Variants in SDK2 observed in about 807,000 individuals in gnomAD.
The protein encoded by SDK2 is protein sidekick-2.
A neutral mutation model predicts 253.9 loss-of-function variants in SDK2; 105 were observed. That is an observed-to-expected ratio of 0.41 (90% CI 0.35 to 0.49). The LOEUF is 0.49. Among genes scored for constraint, SDK2 ranks in the 20% least tolerant of loss-of-function variants. The pLI is 0.06. For synonymous variants in SDK2, 1,249 were observed against 1,234.9 expected (o/e 1.01, Z -0.24); for missense variants, 2,608 against 3,003.0 (o/e 0.87, Z 3.07).
chr17:73,538,097 G>A (rs971923245), intron 1 of SDK2, among the ~76,000 whole-genome samples: 2 of 152,164 alleles, frequency 1.3e-5, no homozygotes, highest in Non-Finnish European at 2.9e-5. Flanking sequence ...TCCCGGGAAC[G>A]GCGGTGTTCA....
In SDK2 at chr17:73,487,232, C is replaced by A. The variant is rs551066489; in HGVS notation, c.225-15014G>T. Reference sequence around the variant, plus strand: ...TACAAGTGTGAGCCACTGTGCCCAGCCAGTACCTTGACTTTGTACAGGTGC... The same window carrying A: ...TACAAGTGTGAGCCACTGTGCCCAGACAGTACCTTGACTTTGTACAGGTGC... On this transcript the variant is annotated intron_variant, in intron 2 of 44. Transcript: ENST00000392650. 2.6e-5 allele frequency among the ~76,000 whole-genome samples: 4 copies of A among 152,182 alleles called. No homozygotes were observed. The East Asian group carries it at 5.8e-4, about 22-fold the overall frequency.
chr17:73,595,096 T>C (rs1483119181), intron 1 of SDK2, among the ~76,000 whole-genome samples: 1 of 152,188 alleles, frequency 6.6e-6, no homozygotes, highest in Non-Finnish European at 1.5e-5. Flanking sequence ...CCACAGCTCC[T>C]AGCACGGTGC....
chr17:73,480,708 T>G (rs1266731373), intron 2 of SDK2, among the ~76,000 whole-genome samples: 1 of 151,174 alleles, frequency 6.6e-6, no homozygotes, highest in African/African-American at 2.4e-5. Context: ...GAGGCTGAGA[T>G]GGAGAGAGAC....
At chr17:73,462,654 A>G (rs1414392998) in intron 3 of SDK2, among the ~76,000 whole-genome samples, 4 of 152,042 alleles carry the variant, frequency 2.6e-5, no homozygotes, top group Admixed American at 2.6e-4. Context: ...GCAAGCATAC[A>G]CGCATGTATA....
At chr17:73,564,836 A>C (rs925360438) in intron 1 of SDK2, among the ~76,000 whole-genome samples, 3 of 151,854 alleles carry the variant, frequency 2.0e-5, no homozygotes, top group African/African-American at 7.3e-5. Flanking sequence ...AAAAAAAACA[A>C]AAAACAAAAA....
At chr17:73,610,190 A>C (rs1052107021) in intron 1 of SDK2, among the ~76,000 whole-genome samples, 3 of 152,238 alleles carry the variant, frequency 2.0e-5, no homozygotes, top group African/African-American at 7.2e-5. Flanking sequence ...AAGCTCCCTG[A>C]AAGTATACCC....
intron 21 of SDK2, among the ~76,000 whole-genome samples, 184 bp from the exon 22 acceptor site, chr17:73,399,473 C>T (rs1003892490): frequency 2.6e-5 from 4 of 152,198 alleles, no homozygotes; most frequent in African/African-American, 9.7e-5. Flanking sequence ...GAACCATGTT[C>T]ATGCCAGGAG....
At chr17:73,552,099 CT>C (rs1406292917) in intron 1 of SDK2, among the ~76,000 whole-genome samples, 4 of 152,202 alleles carry the variant, frequency 2.6e-5, no homozygotes, top group Admixed American at 1.3e-4. Context: ...CCTGTCCCCC[CT>C]GTCTGGGGCC....
At chr17:73,553,192 C>T (rs2045090492) in intron 1 of SDK2, among the ~76,000 whole-genome samples, 5 of 151,584 alleles carry the variant, frequency 3.3e-5, no homozygotes. Flanking sequence ...TGTGTGTGTT[C>T]TGAATACCAT....
At chr17:73,433,588 C>G (rs1044349265) in intron 10 of SDK2, 144 bp downstream of exon 10, 28 of 615,030 alleles carry the variant, frequency 4.6e-5, no homozygotes, top group Non-Finnish European at 6.9e-5. Flanking sequence ...CGCGCCCGGC[C>G]GAGAGATGCT....
At chr17:73,408,047 C>CTTTTT (rs951934202) in intron 18 of SDK2, among the ~76,000 whole-genome samples, 4 of 66,248 alleles carry the variant, frequency 6.0e-5, no homozygotes, top group East Asian at 5.6e-4. Context: ...AAAATATTTC[C>CTTTTT]TTTTTTTTTT....
At chr17:73,573,022 A>G (rs1413748541) in intron 1 of SDK2, among the ~76,000 whole-genome samples, 1 of 152,178 alleles carries the variant, frequency 6.6e-6, no homozygotes, top group Non-Finnish European at 1.5e-5. Flanking sequence ...CAGGTGTGCC[A>G]CATGAAGGAA....
rs75882360 is a variant in SDK2, at chr17:73,486,023, G to A, written c.225-13805C>T. Among the ~76,000 whole-genome samples the A allele has an allele frequency of 6.1e-3, 931 of 152,318 alleles. 13 individuals are homozygous for A. The highest frequency in any genetic ancestry group is 0.021 in the African/African-American group (877 of 41,578). On this transcript the variant is annotated intron_variant, in intron 2 of 44. Coordinates refer to ENST00000392650, the MANE Select transcript of SDK2 (RefSeq NM_001144952.2). ...TGCCATAGACTGGAGAGAGGTGATG[G>A]GGCTGACCATGTACAATGATGCTGG...
rs1251339053 is a variant in SDK2 at position 73,335,034 on chromosome 17, G to GCTTTTT, written c.*3552_*3553insAAAAAG. 5 of 152,532 alleles carry GCTTTTT rather than the reference G, an allele frequency of 3.3e-5. No homozygotes were observed. The East Asian group carries it at 9.7e-4, about 30-fold the overall frequency. 9.4% of individuals were successfully genotyped at this position (152,532 alleles called of 1,614,324 possible). The stretch of plus-strand genomic sequence containing the variant: ...CGTGCACCAGGTGGGGGCAGCCCCC[G>GCTTTTT]CTGTGTCCTTGTTTCCTCTAAATCA... On this transcript the variant is annotated 3_prime_UTR_variant, in exon 45 of 45. Coordinates refer to ENST00000392650, the MANE Select transcript of SDK2 (RefSeq NM_001144952.2).
chr17:73,380,785 G>C, intron 34 of SDK2, 109 bp downstream of exon 34: 1 of 946,992 alleles, frequency 1.1e-6, no homozygotes, highest in Non-Finnish European at 1.7e-6. Context: ...TAAGCCCCCT[G>C]GGGTGGGCAC....
In SDK2 at chr17:73,383,848, A is replaced by G. The variant is rs369209011; in HGVS notation, c.4705+28T>C. The G allele has an allele frequency of 3.2e-5, 51 of 1,612,800 alleles. 1 individual carries two copies. The Admixed American group carries it at 6.3e-4, about 20-fold the overall frequency. ...GAGGGTGACCGCCCCCATCCCACCC[A>G]TTCCTCTGGCTCCCAAGTGTCACTC... On this transcript the variant is annotated intron_variant, in intron 33 of 44. Transcript: ENST00000392650. The surrounding 1 kb of genome is among the most constrained non-coding windows in gnomAD (Gnocchi z 4.3).
At chr17:73,592,405 T>A (rs1270511383) in intron 1 of SDK2, among the ~76,000 whole-genome samples, 4 of 152,106 alleles carry the variant, frequency 2.6e-5, no homozygotes, top group African/African-American at 7.2e-5. Flanking sequence ...CAAAATGGAG[T>A]CAGAACCCAG....
At chr17:73,380,088 C>T (rs1481591918) in intron 34 of SDK2, among the ~76,000 whole-genome samples, 2 of 152,230 alleles carry the variant, frequency 1.3e-5, no homozygotes, top group East Asian at 1.9e-4. Context: ...GGGAATGGGA[C>T]GCAGCTGCAA....
intron 2 of SDK2, among the ~76,000 whole-genome samples, chr17:73,503,916 C>T (rs1264048681): frequency 6.6e-6 from 1 of 152,156 alleles, no homozygotes; most frequent in Non-Finnish European, 1.5e-5. Flanking sequence ...CTTGTGAGCC[C>T]TGAACTTCTC....
Sources: allele counts gnomAD v4.1 joint callset (sites outside exome capture counted in the v4.1 genomes callset), GRCh38; gene constraint gnomAD v4.1.1; non-coding constraint Gnocchi (gnomAD v3.1); transcripts MANE v1.5; gene names NCBI Gene and HGNC (gene_info 2026-07-23, HGNC 2026-07-21).